DPEP1: variants seen among roughly 807,000 people sequenced by gnomAD.
The protein encoded by DPEP1 is dipeptidase 1.
Under a neutral mutation model 42.3 loss-of-function variants are expected in DPEP1, and 50 were observed. That is an observed-to-expected ratio of 1.18 (90% CI 0.94 to 1.50). DPEP1 has a LOEUF of 1.50. Ranked by LOEUF, DPEP1 falls within the 40% of genes most tolerant of loss-of-function variation. DPEP1 has a pLI of 0.00. For missense variants in DPEP1, 663 were observed against 553.0 expected, an observed-to-expected ratio of 1.20 and a Z score of -1.99; for synonymous variants, 297 against 234.0, an observed-to-expected ratio of 1.27 and a Z score of -2.46.
downstream of DPEP1, among the ~76,000 whole-genome samples, chr16:89,638,692 G>GCACACACACACACACCCCACCCCTGCACA (rs2059715534): frequency 1.4e-5 from 1 of 71,710 alleles, no homozygotes; most frequent in African/African-American, 5.8e-5. Context: ...CCCCACCCCT[G>GCACACACACACACACCCCACCCCTGCACA]CACACACACA....
chr16:89,616,302 C>T (rs1002883164), intron 1 of DPEP1, among the ~76,000 whole-genome samples: 1 of 152,098 alleles, frequency 6.6e-6, no homozygotes, highest in Non-Finnish European at 1.5e-5. Context: ...AGGACACAGC[C>T]AGCGGGTCCT....
At chr16:89,638,508 G>C, downstream of DPEP1, 2 of 1,244,168 alleles carry the variant, frequency 1.6e-6, no homozygotes, top group Non-Finnish European at 2.0e-6. Context: ...GTTGGACGTG[G>C]GGCACTCCTG....
chr16:89,623,722 A>C (rs1299306358), intron 1 of DPEP1, among the ~76,000 whole-genome samples: 1 of 152,138 alleles, frequency 6.6e-6, no homozygotes, highest in Admixed American at 6.6e-5. Context: ...GCACAGGATA[A>C]GCAGGAAGAA....
chr16:89,639,772 G>A (rs1179446532), downstream of DPEP1, among the ~76,000 whole-genome samples: 6 of 151,994 alleles, frequency 3.9e-5, no homozygotes, highest in African/African-American at 1.2e-4. Context: ...TGCAACCTCC[G>A]TCTCCCAGGT....
In DPEP1 at chr16:89,637,195, T is replaced by A. The variant is rs752647843; in HGVS notation, c.592-9T>A. 1 of 1,610,466 alleles carries A rather than the reference T, an allele frequency of 6.2e-7. No homozygotes were observed. Among genetic ancestry groups the A allele is most frequent in the East Asian group, 2.2e-5 (1 of 44,812 alleles). On this transcript the variant is annotated splice_polypyrimidine_tract_variant and intron_variant, in intron 6 of 10. Transcript: ENST00000690203. The stretch of plus-strand genomic sequence containing the variant: ...GGCTGTGAGGGTGGACGGAGCCCTG[T>A]CTTCCCAGCGTGTGGTGAAGGAGCT...
At chr16:89,618,260 G>A (rs561768102) in intron 1 of DPEP1, among the ~76,000 whole-genome samples, 14 of 152,038 alleles carry the variant, frequency 9.2e-5, no homozygotes, top group South Asian at 6.2e-4. Context: ...TCTGTCACCC[G>A]GGCTGGAGTG....
Position 89,635,888 on chromosome 16 carries a change from C to G in DPEP1, c.105-20C>G. 6.3e-7 allele frequency: 1 copy of G among 1,577,440 alleles called. No homozygotes were observed. The highest frequency in any genetic ancestry group is 1.2e-5 in the South Asian group (1 of 85,394). On this transcript the variant is annotated intron_variant, in intron 2 of 10. Transcript: ENST00000690203. ...CCAGTGGCCGCCCTGACTGCCTGGC[C>G]TCTCCCCGGCAAACTCCAGGCACAA...
At chr16:89,632,096 C>G (rs1030629523) in intron 2 of DPEP1, among the ~76,000 whole-genome samples, 1 of 152,202 alleles carries the variant, frequency 6.6e-6, no homozygotes, top group Non-Finnish European at 1.5e-5. Context: ...GTCACCCAGG[C>G]TGGAGTGCAG....
Position 89,637,897 on chromosome 16 carries a change from A to G in DPEP1, c.991A>G (p.Arg331Gly), listed in dbSNP as rs2151504651. ...YPDLIAELLRRNWTEAEVKGA... is the reference protein window; with the variant it reads ...YPDLIAELLRGNWTEAEVKGA... ...AGACCTGATCGCTGAGCTGCTCAGG[A>G]GGAACTGGACGGAGGCGGAGGTCAA... The change falls in exon 10 of 11, where the codon AGG becomes GGG. Residue 331 changes from arginine to glycine, a missense_variant. Arg to Gly is a moderately radical substitution (Grantham distance 125). Coordinates refer to ENST00000690203, the MANE Select transcript of DPEP1 (RefSeq NM_001389466.1). The G allele has an allele frequency of 6.2e-7, 1 of 1,612,656 alleles. No homozygotes were observed.
At chr16:89,624,171 G>C (rs2059479151) in intron 1 of DPEP1, among the ~76,000 whole-genome samples, 1 of 152,164 alleles carries the variant, frequency 6.6e-6, no homozygotes, top group Non-Finnish European at 1.5e-5. Flanking sequence ...AACTCTAATG[G>C]AATAGGGTTT....
At chr16:89,637,783 G>A in intron 9 of DPEP1, 53 bp from the exon 10 acceptor site, 1 of 1,612,692 alleles carries the variant, frequency 6.2e-7, no homozygotes, top group East Asian at 2.2e-5. Context: ...GGTGGCTGGA[G>A]GAGGGACCTG....
chr16:89,638,046 C>T lies in DPEP1; in HGVS notation c.1066-6C>T. 6.2e-7 allele frequency: 1 copy of T among 1,611,866 alleles called. No individual in the cohort carries two copies. The highest frequency in any genetic ancestry group is 8.5e-7 in the Non-Finnish European group (1 of 1,179,634). On this transcript the variant is annotated splice_region_variant and splice_polypyrimidine_tract_variant and intron_variant, in intron 10 of 10. Transcript: ENST00000690203. ...GGCTGCCCCACCCGTGTCTGTCTGT[C>T]CCCAGGCCAGCAACCTCACACAGGC...
At chr16:89,621,836 C>A (rs765575591) in intron 1 of DPEP1, among the ~76,000 whole-genome samples, 1 of 152,192 alleles carries the variant, frequency 6.6e-6, no homozygotes, top group Non-Finnish European at 1.5e-5. Context: ...GCTTGCGATG[C>A]GCCCAGGTGT....
chr16:89,632,633 C>A (rs919479123), intron 2 of DPEP1, among the ~76,000 whole-genome samples: 1 of 152,148 alleles, frequency 6.6e-6, no homozygotes, highest in Admixed American at 6.5e-5. Flanking sequence ...AGGGCATTGC[C>A]CCAGCTGCAC....
intron 1 of DPEP1, among the ~76,000 whole-genome samples, chr16:89,621,031 G>C (rs1025522068): frequency 1.3e-5 from 2 of 152,000 alleles, no homozygotes; most frequent in Non-Finnish European, 2.9e-5. Flanking sequence ...GCCATCACGG[G>C]CAGTGAAGGG....
intron 1 of DPEP1, among the ~76,000 whole-genome samples, chr16:89,618,606 A>T (rs1253876474): frequency 6.6e-6 from 1 of 151,958 alleles, no homozygotes; most frequent in Non-Finnish European, 1.5e-5. Flanking sequence ...GAGGCTCAAC[A>T]ACCTTCCCAC....
chr16:89,636,000 C>G lies in DPEP1; in HGVS notation c.197C>G (p.Thr66Ser). The change falls in exon 3 of 11, where the codon ACC (threonine) becomes AGC (serine). Residue 66 changes from threonine to serine, a missense_variant. Coordinates refer to ENST00000690203, the MANE Select transcript of DPEP1 (RefSeq NM_001389466.1). ...CTGACCACCTTGGCCGGCACACACA[C>G]CAACATCCCCAAGCTGAGGGCCGGC... is the stretch of plus-strand genomic sequence containing the variant. The part of the protein sequence containing the change: ...ANLTTLAGTH[T>S]NIPKLRAGFV... 1 of 1,612,176 alleles carries G rather than the reference C, an allele frequency of 6.2e-7. No homozygotes were observed. The highest frequency in any genetic ancestry group is 8.5e-7 in the Non-Finnish European group (1 of 1,179,714).
chr16:89,637,520 G>T lies in DPEP1; in HGVS notation c.821G>T (p.Cys274Phe), dbSNP rs747846454. The T allele has an allele frequency of 6.2e-7, 1 of 1,612,758 alleles. No homozygotes were observed. Among genetic ancestry groups the T allele is most frequent in the Non-Finnish European group, 8.5e-7 (1 of 1,179,972 alleles). ...MVNFYNNYIS[C>F]TNKANLSQVA... ...AACTTCTACAACAATTACATTTCCT[G>T]CACCAACAAGGCCAACCTGTCCCAA... Residue 274 changes from cysteine (C) to phenylalanine (F), a missense_variant, in exon 8 of 11, where the codon TGC (cysteine) becomes TTC (phenylalanine). Physicochemically the swap from Cys to Phe is radical, Grantham distance 205. Transcript: ENST00000690203.
chr16:89,630,067 C>G lies in DPEP1; in HGVS notation c.-106-238C>G, dbSNP rs192959752. 1.3e-3 allele frequency among the ~76,000 whole-genome samples: 194 copies of G among 152,290 alleles called. 1 individual carries two copies. Among genetic ancestry groups the G allele is most frequent in the African/African-American group, 4.2e-3 (176 of 41,564 alleles). On this transcript the variant is annotated intron_variant, in intron 1 of 10. Coordinates refer to ENST00000690203, the MANE Select transcript of DPEP1 (RefSeq NM_001389466.1). ...CACTCACCACTCATCTGGGCCTGCT[C>G]TCAGCCTGCTGTCCTTTCATCTGGG... is the stretch of plus-strand genomic sequence containing the variant.
Sources: allele counts gnomAD v4.1 joint callset (sites outside exome capture counted in the v4.1 genomes callset), GRCh38; gene constraint gnomAD v4.1.1; transcripts MANE v1.5; gene names NCBI Gene and HGNC (gene_info 2026-07-23, HGNC 2026-07-21).